Variants in ZWILCH observed in about 807,000 individuals in gnomAD.
ZWILCH encodes the protein zwilch kinetochore protein, also known as protein zwilch homolog.
In ZWILCH, 74 loss-of-function variants were observed where a neutral mutation model predicts 79.9. The observed-to-expected ratio is 0.93, with a 90% CI of 0.77 to 1.12. ZWILCH has a LOEUF of 1.12. Ranked by LOEUF, ZWILCH falls within the 50% of genes most tolerant of loss-of-function variation. The probability of loss-of-function intolerance (pLI) is 0.00; values close to 1 mark genes in which losing one functional copy is unlikely to be tolerated. For missense variants in ZWILCH, 694 were observed against 687.5 expected (o/e 1.01, Z -0.11); for synonymous variants, 241 against 228.2 (o/e 1.06, Z -0.51).
At chr15:66,529,974 T>C (rs1302506257) in intron 12 of ZWILCH, among the ~76,000 whole-genome samples, 3 of 152,230 alleles carry the variant, frequency 2.0e-5, no homozygotes, top group Admixed American at 6.5e-5. Flanking sequence ...ATCCTCACAA[T>C]GTGTCATGGC....
intron 8 of ZWILCH, among the ~76,000 whole-genome samples, chr15:66,525,756 CTTTTTTTTTTTTT>C (rs66835007): frequency 2.1e-5 from 2 of 93,468 alleles, no homozygotes; most frequent in Non-Finnish European, 4.1e-5. Flanking sequence ...TCACATTTTT[CTTTTTTTTTTTTT>C]TTTTTTTTTT....
At position 66,546,584 on chromosome 15, in the gene ZWILCH, A is replaced by C; in HGVS notation, c.1688-7A>C. ...CAATTCTGATCTCACTCTCTTTTTG[A>C]TTACAGATTTTTCGGAATTAACACT... is the stretch of plus-strand genomic sequence containing the variant. On this transcript the variant is annotated splice_polypyrimidine_tract_variant and splice_region_variant and intron_variant, in intron 17 of 18. Coordinates refer to ENST00000307897, the MANE Select transcript of ZWILCH (RefSeq NM_017975.5). 6.3e-7 allele frequency: 1 copy of C among 1,598,634 alleles called. No homozygotes were observed.
At chr15:66,508,819 C>T in intron 1 of ZWILCH, 22 bp from the exon 2 acceptor site, 1 of 1,613,700 alleles carries the variant, frequency 6.2e-7, no homozygotes, top group Non-Finnish European at 8.5e-7. Context: ...TTCTGTTTTT[C>T]ACATGTGGTT....
chr15:66,541,005 C>T (rs1346329856), intron 17 of ZWILCH, among the ~76,000 whole-genome samples: 3 of 149,384 alleles, frequency 2.0e-5, no homozygotes, highest in South Asian at 2.1e-4. Flanking sequence ...CTGCTGGGCC[C>T]GGTGGTTCGA....
chr15:66,541,114 A>T (rs1436420176), intron 17 of ZWILCH, among the ~76,000 whole-genome samples: 1 of 148,020 alleles, frequency 6.8e-6, no homozygotes, highest in Non-Finnish European at 1.5e-5. Context: ...CCCCATCTCT[A>T]CAAAAAAAAA....
chr15:66,527,839 AC>A lies in ZWILCH; in HGVS notation c.914-17del, dbSNP rs1894726180. The stretch of plus-strand genomic sequence containing the variant: ...AAGCAGAAAAATCAAGAGCTAATAA[AC>A]TTTTGCCACTTTCTAGACTTAAATA... On this transcript the variant is annotated splice_polypyrimidine_tract_variant and intron_variant, in intron 9 of 18. Coordinates refer to ENST00000307897, the MANE Select transcript of ZWILCH (RefSeq NM_017975.5). The A allele has an allele frequency of 6.3e-7, 1 of 1,591,604 alleles. No homozygotes were observed. The highest frequency in any genetic ancestry group is 8.5e-7 in the Non-Finnish European group (1 of 1,173,986).
intron 17 of ZWILCH, among the ~76,000 whole-genome samples, chr15:66,541,115 C>CAAA (rs545912418): frequency 8.4e-6 from 1 of 118,564 alleles, no homozygotes; most frequent in East Asian, 2.4e-4. Flanking sequence ...CCCATCTCTA[C>CAAA]AAAAAAAAAA....
intron 1 of ZWILCH, 43 bp downstream of exon 1, chr15:66,505,434 C>T: frequency 2.5e-6 from 4 of 1,603,386 alleles, no homozygotes; most frequent in Non-Finnish European, 3.4e-6. Context: ...TGGGACAGCA[C>T]TTCTTTCCCT....
intron 3 of ZWILCH, 150 bp from the exon 4 acceptor site, chr15:66,515,376 T>A: frequency 1.7e-6 from 1 of 582,260 alleles, no homozygotes; most frequent in Non-Finnish European, 2.9e-6. Flanking sequence ...AGTTTGTGGC[T>A]ATTCTTGCCA....
intron 14 of ZWILCH, among the ~76,000 whole-genome samples, chr15:66,533,567 CTT>C (rs1390322225): frequency 6.6e-6 from 1 of 152,094 alleles, no homozygotes; most frequent in Non-Finnish European, 1.5e-5. Context: ...TCATTTCTCT[CTT>C]ATGAAAATAC....
chr15:66,540,370 G>A (rs1012804429), intron 17 of ZWILCH, among the ~76,000 whole-genome samples, 160 bp downstream of exon 17: 1 of 152,048 alleles, frequency 6.6e-6, no homozygotes, highest in African/African-American at 2.4e-5. Flanking sequence ...TGGCCAACAT[G>A]GTGAAACCCC....
chr15:66,513,056 A>C (rs537971628), intron 2 of ZWILCH, among the ~76,000 whole-genome samples: 1 of 152,038 alleles, frequency 6.6e-6, no homozygotes, highest in African/African-American at 2.4e-5. Context: ...CAGCCTCCCA[A>C]TGTGCTGGGA....
At position 66,532,392 on chromosome 15, in the gene ZWILCH, G is replaced by A; in HGVS notation, c.1301G>A (p.Ser434Asn). Residue 434 changes from serine to asparagine, a missense_variant, in exon 13 of 19, where the codon AGT becomes AAT. Transcript: ENST00000307897. ...GLDKLKKDYISFFIGQELASL... is the reference protein window; with the variant it reads ...GLDKLKKDYINFFIGQELASL... ...GACAAACTAAAGAAAGATTATATCA[G>A]TTTTTTCATAGGTAAGTATCTTTCC... 6.2e-7 allele frequency: 1 copy of A among 1,604,670 alleles called. No homozygotes were observed. The highest frequency in any genetic ancestry group is 1.1e-5 in the South Asian group (1 of 89,012).
intron 1 of ZWILCH, among the ~76,000 whole-genome samples, chr15:66,506,365 G>A (rs185079596): frequency 6.6e-6 from 1 of 152,208 alleles, no homozygotes; most frequent in East Asian, 1.9e-4. Flanking sequence ...CTCTATGGCT[G>A]TTTCATCTTT....
At chr15:66,544,283 T>C (rs1183987578) in intron 17 of ZWILCH, among the ~76,000 whole-genome samples, 1 of 151,450 alleles carries the variant, frequency 6.6e-6, no homozygotes, top group Non-Finnish European at 1.5e-5. Flanking sequence ...AAAGAAAACA[T>C]ATATTTTGTT....
At chr15:66,529,444 G>C (rs1199135231) in intron 11 of ZWILCH, 50 bp from the exon 12 acceptor site, 2 of 1,278,016 alleles carry the variant, frequency 1.6e-6, no homozygotes, top group Admixed American at 3.5e-5. Flanking sequence ...TGATATATTT[G>C]ATCTGTAGAA....
At chr15:66,537,521 T>A (rs111902381) in intron 16 of ZWILCH, among the ~76,000 whole-genome samples, 2,261 of 152,002 alleles carry the variant, frequency 0.015, 60 homozygotes, top group African/African-American at 0.053. Flanking sequence ...TGAAACCCCA[T>A]CTCTACTAAA....
intron 14 of ZWILCH, 23 bp downstream of exon 14, chr15:66,533,036 A>G: frequency 1.3e-6 from 2 of 1,554,164 alleles, no homozygotes; most frequent in Admixed American, 1.8e-5. Context: ...TTTTATTCTA[A>G]AATTGGTTTT....
intron 7 of ZWILCH, 112 bp from the exon 8 acceptor site, chr15:66,523,565 T>G: frequency 1.5e-6 from 1 of 668,708 alleles, no homozygotes; most frequent in Non-Finnish European, 2.6e-6. Context: ...ATTGGTCCTT[T>G]ATGAAATATA....
Sources: gnomAD v4.1 joint callset for allele counts (sites outside exome capture counted in the v4.1 genomes callset) on GRCh38, gnomAD v4.1.1 for gene constraint, MANE v1.5 for transcripts, NCBI Gene and HGNC (gene_info 2026-07-23, HGNC 2026-07-21) for gene names.